The following SPAG16 variants were observed in gnomAD, a reference collection of about 807,000 sequenced individuals.
The protein encoded by SPAG16 is sperm associated antigen 16, also known as sperm-associated antigen 16 protein.
In SPAG16, 86 loss-of-function variants were observed where a neutral mutation model predicts 80.4. The observed-to-expected ratio is 1.07, with a 90% CI of 0.90 to 1.28. The LOEUF (loss-of-function observed/expected upper bound fraction) is 1.28. Ranked by LOEUF, SPAG16 falls within the 50% of genes most tolerant of loss-of-function variation. The pLI is 0.00. For synonymous variants in SPAG16, 294 were observed against 265.9 expected (o/e 1.11, Z -1.03); for missense variants, 870 against 765.3 (o/e 1.14, Z -1.61).
At chr2:213,741,288 T>A (rs2125454650) in intron 10 of SPAG16, among the ~76,000 whole-genome samples, 1 of 152,240 alleles carries the variant, frequency 6.6e-6, no homozygotes, top group Non-Finnish European at 1.5e-5. Context: ...TATTTCCATT[T>A]CAAAAATAAA....
rs113147091 is a variant in SPAG16, at chr2:213,528,726, GGAA to G, written c.1070+38643_1070+38645del. Among the ~76,000 whole-genome samples, 1,439 of 152,142 alleles carry G rather than the reference GGAA, an allele frequency of 9.5e-3. 13 individuals are homozygous for G. The highest frequency in any genetic ancestry group is 0.031 in the Middle Eastern group (9 of 292). ...ATTTTTGGCTTCCCTGGGCCACACT[GGAA>G]GAAGAATTGTCTTGGGCTACAGTAA... On this transcript the variant is annotated intron_variant, in intron 10 of 15. Coordinates refer to ENST00000331683, the MANE Select transcript of SPAG16 (RefSeq NM_024532.5).
chr2:213,955,619 A>T (rs1229881699), intron 12 of SPAG16, among the ~76,000 whole-genome samples: 1 of 152,160 alleles, frequency 6.6e-6, no homozygotes, highest in Non-Finnish European at 1.5e-5. Flanking sequence ...AGGATTTTCC[A>T]ACTTTGTTCT....
At chr2:213,558,770 A>G (rs554421917) in intron 10 of SPAG16, among the ~76,000 whole-genome samples, 5 of 152,198 alleles carry the variant, frequency 3.3e-5, no homozygotes, top group African/African-American at 1.2e-4. Context: ...GAAAATTTCA[A>G]ACACCCACAA....
At chr2:214,043,944 C>T (rs2049173561) in intron 13 of SPAG16, among the ~76,000 whole-genome samples, 1 of 151,930 alleles carries the variant, frequency 6.6e-6, no homozygotes, top group South Asian at 2.1e-4. Context: ...TGTAGTAAAT[C>T]AAAGTTCTAT....
intron 10 of SPAG16, among the ~76,000 whole-genome samples, chr2:213,549,062 A>G (rs886279958): frequency 6.6e-6 from 1 of 151,966 alleles, no homozygotes; most frequent in East Asian, 1.9e-4. Flanking sequence ...ATGATATGCC[A>G]TATACTTGAA....
At chr2:213,758,408 A>G (rs2068461355) in intron 10 of SPAG16, among the ~76,000 whole-genome samples, 1 of 152,044 alleles carries the variant, frequency 6.6e-6, no homozygotes, top group Admixed American at 6.6e-5. Context: ...ACTTTAAAAT[A>G]ATTGTGTTAA....
At chr2:213,789,719 G>A (rs536033496) in intron 10 of SPAG16, among the ~76,000 whole-genome samples, 15 of 151,792 alleles carry the variant, frequency 9.9e-5, no homozygotes, top group East Asian at 7.7e-4. Flanking sequence ...TACTTTGTCC[G>A]TAAGCTCTAT....
At chr2:213,910,399 G>A (rs974932022) in intron 11 of SPAG16, among the ~76,000 whole-genome samples, 4 of 151,724 alleles carry the variant, frequency 2.6e-5, no homozygotes, top group Non-Finnish European at 5.9e-5. Flanking sequence ...CAAAACAAAA[G>A]TCTTAACTAG....
At chr2:213,348,533 G>A (rs1377164152) in intron 6 of SPAG16, among the ~76,000 whole-genome samples, 1 of 152,136 alleles carries the variant, frequency 6.6e-6, no homozygotes, top group Non-Finnish European at 1.5e-5. Context: ...TCCTTTCCAT[G>A]TTTAGTGCTT....
intron 15 of SPAG16, among the ~76,000 whole-genome samples, chr2:214,246,328 T>G (rs1195816574): frequency 2.0e-5 from 3 of 152,154 alleles, no homozygotes; most frequent in Non-Finnish European, 4.4e-5. Flanking sequence ...TCCAACATTC[T>G]CTTCCACAAT....
At chr2:214,405,249 A>G (rs1308742402) in intron 15 of SPAG16, among the ~76,000 whole-genome samples, 2 of 152,048 alleles carry the variant, frequency 1.3e-5, no homozygotes, top group Non-Finnish European at 2.9e-5. Context: ...TAGCCTCCAC[A>G]GTAGCTAGGA....
At chr2:213,328,855 C>A (rs1206866058) in intron 5 of SPAG16, among the ~76,000 whole-genome samples, 1 of 152,262 alleles carries the variant, frequency 6.6e-6, no homozygotes, top group Non-Finnish European at 1.5e-5. Flanking sequence ...ATCTTGAATT[C>A]CCACGTGTTG....
At chr2:213,564,220 T>C (rs1014345798) in intron 10 of SPAG16, among the ~76,000 whole-genome samples, 2 of 152,104 alleles carry the variant, frequency 1.3e-5, no homozygotes, top group Non-Finnish European at 2.9e-5. Context: ...TCTATTATGT[T>C]GAACTAGTAA....
intron 9 of SPAG16, among the ~76,000 whole-genome samples, chr2:213,379,997 C>T (rs550461923): frequency 3.9e-5 from 6 of 152,180 alleles, no homozygotes; most frequent in East Asian, 3.9e-4. Flanking sequence ...AGCACTCACA[C>T]GGAATACAAA....
intron 15 of SPAG16, among the ~76,000 whole-genome samples, chr2:214,237,101 C>A (rs1286122682): frequency 6.6e-6 from 1 of 151,956 alleles, no homozygotes; most frequent in African/African-American, 2.4e-5. Flanking sequence ...GAGTATTGAC[C>A]CTTTCAGGGA....
intron 15 of SPAG16, among the ~76,000 whole-genome samples, chr2:214,395,756 C>A (rs888965709): frequency 4.6e-5 from 7 of 151,986 alleles, no homozygotes; most frequent in African/African-American, 1.7e-4. Flanking sequence ...TCATTTAGCT[C>A]TCACTTATAA....
At chr2:213,462,277 C>T (rs2072417085) in intron 9 of SPAG16, among the ~76,000 whole-genome samples, 1 of 152,190 alleles carries the variant, frequency 6.6e-6, no homozygotes, top group Non-Finnish European at 1.5e-5. Context: ...ACTATGCAGA[C>T]AGTATATGGA....
At chr2:213,781,120 G>T (rs1415071057) in intron 10 of SPAG16, among the ~76,000 whole-genome samples, 2 of 152,220 alleles carry the variant, frequency 1.3e-5, no homozygotes, top group Admixed American at 6.5e-5. Context: ...CTCCTTTAAG[G>T]TCTTCCTTGG....
chr2:213,845,990 T>C (rs1479635246), intron 10 of SPAG16, among the ~76,000 whole-genome samples: 4 of 152,196 alleles, frequency 2.6e-5, no homozygotes. Flanking sequence ...ACAAATACTT[T>C]TCAAGTCTCT....
Sources: gnomAD v4.1 joint callset for allele counts (sites outside exome capture counted in the v4.1 genomes callset) on GRCh38, gnomAD v4.1.1 for gene constraint, MANE v1.5 for transcripts, NCBI Gene and HGNC (gene_info 2026-07-23, HGNC 2026-07-21) for gene names.